The following EYS variants were observed in gnomAD, a reference collection of about 807,000 sequenced individuals.
EYS encodes EGF-like photoreceptor maintenance factor.
A neutral mutation model predicts 282.1 loss-of-function variants in EYS; 250 were observed. That is an observed-to-expected ratio of 0.89 (90% confidence interval 0.80 to 0.98). The LOEUF (loss-of-function observed/expected upper bound fraction) is 0.98, where lower values mean the gene tolerates loss of function less well. EYS is among the 50% of genes least tolerant of loss of function. The pLI, the probability that EYS is intolerant of heterozygous loss-of-function variation, is 0.00. For missense variants in EYS, 4,016 were observed against 3,709.0 expected, an observed-to-expected ratio of 1.08 and a Z score of -2.15; for synonymous variants, 1,355 against 1,282.9, an observed-to-expected ratio of 1.06 and a Z score of -1.20.
intron 31 of EYS, among the ~76,000 whole-genome samples, chr6:64,172,189 T>C (rs1339858207): frequency 2.0e-5 from 3 of 152,114 alleles, no homozygotes; most frequent in Non-Finnish European, 4.4e-5. Context: ...ATTAAAGTAT[T>C]GTACCTTACT....
At chr6:64,888,942 T>A (rs1196776008) in intron 18 of EYS, among the ~76,000 whole-genome samples, 1 of 152,084 alleles carries the variant, frequency 6.6e-6, no homozygotes, top group African/African-American at 2.4e-5. Context: ...TTAAAAATGT[T>A]ATATTACTAT....
At chr6:64,237,641 A>G (rs964403669) in intron 30 of EYS, among the ~76,000 whole-genome samples, 7 of 152,190 alleles carry the variant, frequency 4.6e-5, no homozygotes, top group Non-Finnish European at 1.0e-4. Flanking sequence ...TCATAAGAAC[A>G]TCATAACATC....
At chr6:63,813,906 T>G (rs1410588766) in intron 36 of EYS, among the ~76,000 whole-genome samples, 5 of 152,216 alleles carry the variant, frequency 3.3e-5, no homozygotes. Flanking sequence ...CACATTTAAC[T>G]TTGCCAGGAA....
At chr6:64,549,459 C>T (rs924389356) in intron 26 of EYS, among the ~76,000 whole-genome samples, 2 of 152,182 alleles carry the variant, frequency 1.3e-5, no homozygotes, top group Non-Finnish European at 1.5e-5. Context: ...ACCACCTCCA[C>T]AGGAGGAAGA....
chr6:64,827,567 C>G (rs964915018), intron 19 of EYS, among the ~76,000 whole-genome samples: 3 of 151,652 alleles, frequency 2.0e-5, no homozygotes, highest in African/African-American at 7.3e-5. Flanking sequence ...TACATAATAG[C>G]ATGATATTTA....
chr6:64,967,154 T>A (rs1452116476), intron 14 of EYS, among the ~76,000 whole-genome samples: 1 of 150,970 alleles, frequency 6.6e-6, no homozygotes, highest in Non-Finnish European at 1.5e-5. Flanking sequence ...TCTGCCTGTC[T>A]CTAACCATAC....
intron 35 of EYS, among the ~76,000 whole-genome samples, chr6:63,927,244 A>G (rs549868397): frequency 2.6e-4 from 40 of 152,322 alleles, no homozygotes; most frequent in Admixed American, 1.1e-3. Context: ...GCATGTCTCT[A>G]GCTCAATGTT....
At chr6:64,967,515 G>A (rs1012015506) in intron 14 of EYS, among the ~76,000 whole-genome samples, 14 of 151,940 alleles carry the variant, frequency 9.2e-5, no homozygotes, top group African/African-American at 1.2e-4. Context: ...ATGGGGTTTC[G>A]CCATGTTGGT....
intron 41 of EYS, among the ~76,000 whole-genome samples, chr6:63,761,046 GA>G (rs1769626808): frequency 6.8e-6 from 1 of 146,174 alleles, no homozygotes; most frequent in Admixed American, 6.9e-5. Flanking sequence ...ATATTTAACC[GA>G]TTTTTTTTTT....
chr6:64,723,192 G>C (rs897726398), intron 22 of EYS, among the ~76,000 whole-genome samples: 3 of 151,894 alleles, frequency 2.0e-5, no homozygotes, highest in Non-Finnish European at 2.9e-5. Flanking sequence ...TAACAACTTT[G>C]CCATAATGAC....
At chr6:64,817,498 G>GT (rs1036619479) in intron 21 of EYS, among the ~76,000 whole-genome samples, 5 of 152,144 alleles carry the variant, frequency 3.3e-5, no homozygotes, top group African/African-American at 1.2e-4. Context: ...TGCGTACTCA[G>GT]TTTTTTACAT....
At chr6:64,497,562 A>G (rs1475085251) in intron 26 of EYS, among the ~76,000 whole-genome samples, 2 of 152,098 alleles carry the variant, frequency 1.3e-5, no homozygotes, top group African/African-American at 4.8e-5. Flanking sequence ...GAAGAAAAGT[A>G]TAGGGGAAGA....
intron 35 of EYS, among the ~76,000 whole-genome samples, chr6:63,966,223 A>G (rs1021763591): frequency 6.6e-6 from 1 of 152,194 alleles, no homozygotes; most frequent in African/African-American, 2.4e-5. Context: ...AGCGACCTGG[A>G]TGAGATTGGA....
intron 12 of EYS, among the ~76,000 whole-genome samples, chr6:65,112,824 A>C (rs1775251029): frequency 6.6e-6 from 1 of 152,170 alleles, no homozygotes; most frequent in Non-Finnish European, 1.5e-5. Context: ...GTTGAAGATA[A>C]TAAAATACTT....
intron 21 of EYS, among the ~76,000 whole-genome samples, chr6:64,814,977 G>A (rs1357148974): frequency 4.0e-5 from 6 of 151,864 alleles, no homozygotes; most frequent in South Asian, 4.1e-4. Context: ...AACTCATACC[G>A]ACAAGACTAT....
At chr6:64,274,241 T>C (rs1373510427) in intron 30 of EYS, among the ~76,000 whole-genome samples, 1 of 152,182 alleles carries the variant, frequency 6.6e-6, no homozygotes. Flanking sequence ...AGTAGTGTGA[T>C]CTCAGCTCAC....
intron 29 of EYS, among the ~76,000 whole-genome samples, chr6:64,374,973 C>G (rs1772518177): frequency 6.6e-6 from 1 of 152,182 alleles, no homozygotes; most frequent in South Asian, 2.1e-4. Context: ...AAAAAGAGTT[C>G]TCTTCACTGA....
intron 41 of EYS, among the ~76,000 whole-genome samples, chr6:63,745,477 C>T (rs771429065): frequency 6.6e-5 from 10 of 152,158 alleles, no homozygotes; most frequent in Non-Finnish European, 1.0e-4. Context: ...GTTGCAACAA[C>T]TGAAGTCAAG....
intron 1 of EYS, among the ~76,000 whole-genome samples, chr6:65,700,028 T>C (rs1175342316): frequency 7.4e-6 from 1 of 134,932 alleles, no homozygotes; most frequent in South Asian, 2.4e-4. Flanking sequence ...GGCAGGAGAA[T>C]GGCGTGAACC....
Sources: gnomAD v4.1 joint callset for allele counts (sites outside exome capture counted in the v4.1 genomes callset) on GRCh38, gnomAD v4.1.1 for gene constraint, MANE v1.5 for transcripts, NCBI Gene and HGNC (gene_info 2026-07-23, HGNC 2026-07-21) for gene names.